MED23: variants seen among roughly 807,000 people sequenced by gnomAD.
MED23 encodes the protein mediator of RNA polymerase II transcription subunit 23.
MED23 carries 105 observed loss-of-function variants against 163.9 expected under a neutral mutation model. The ratio of observed to expected loss-of-function variants is 0.64; its 90% CI spans 0.55 to 0.75. The LOEUF (loss-of-function observed/expected upper bound fraction) is 0.75. Ranked by LOEUF, MED23 falls within the 30% of genes least tolerant of loss-of-function variation. MED23 has a pLI of 0.00. For missense variants in MED23, 1,054 were observed against 1,649.0 expected (o/e 0.64, Z 6.25); for synonymous variants, 561 against 565.6 (o/e 0.99, Z 0.12).
chr6:131,614,770 C>T (rs1325316645), intron 10 of MED23, among the ~76,000 whole-genome samples: 1 of 152,118 alleles, frequency 6.6e-6, no homozygotes, highest in African/African-American at 2.4e-5. Flanking sequence ...TTTACCACTC[C>T]AACTTTTAAA....
intron 18 of MED23, among the ~76,000 whole-genome samples, 168 bp downstream of exon 18, chr6:131,599,870 A>C (rs1047205850): frequency 2.6e-5 from 4 of 152,124 alleles, no homozygotes; most frequent in African/African-American, 2.4e-5. Context: ...CAGCCTCTCA[A>C]GCAGTTAAGA....
At chr6:131,613,418 C>T (rs1451682465) in intron 10 of MED23, among the ~76,000 whole-genome samples, 2 of 152,090 alleles carry the variant, frequency 1.3e-5, no homozygotes, top group Non-Finnish European at 2.9e-5. Context: ...ATATGAACAG[C>T]TCTTAAGGTT....
At chr6:131,575,659 G>A (rs1166594625) in intron 30 of MED23, among the ~76,000 whole-genome samples, 1 of 152,172 alleles carries the variant, frequency 6.6e-6, no homozygotes, top group Non-Finnish European at 1.5e-5. Context: ...TTAACACATT[G>A]TCTCATCTGA....
rs753015353 is a variant in MED23 at position 131,589,460 on chromosome 6, C to T, written c.3939+5G>A. The T allele has an allele frequency of 1.9e-6, 3 of 1,611,454 alleles. No individual in the cohort carries two copies. The South Asian group carries it at 3.3e-5, about 18-fold the overall frequency. On this transcript the variant is annotated splice_donor_5th_base_variant and intron_variant, in intron 28 of 28. Coordinates refer to ENST00000368068, the MANE Select transcript of MED23 (RefSeq NM_004830.4). Reference sequence around the variant, plus strand: ...ATTAAAAATAATTAAACAAATTCAACTTACTTGCTCTTTCACGCTGTCACC... The same window carrying T: ...ATTAAAAATAATTAAACAAATTCAATTTACTTGCTCTTTCACGCTGTCACC...
At chr6:131,617,212 C>T (rs939864743) in intron 9 of MED23, among the ~76,000 whole-genome samples, 4 of 151,112 alleles carry the variant, frequency 2.6e-5, no homozygotes, top group Admixed American at 6.6e-5. Flanking sequence ...TAGAGCACAT[C>T]GTTTTCATTT....
At chr6:131,606,204 T>G (rs1396416731) in intron 13 of MED23, among the ~76,000 whole-genome samples, 2 of 152,158 alleles carry the variant, frequency 1.3e-5, no homozygotes, top group Admixed American at 6.6e-5. Flanking sequence ...TTCATTATAT[T>G]AATAACTTTA....
intron 4 of MED23, among the ~76,000 whole-genome samples, chr6:131,623,934 G>T (rs1432849224): frequency 1.3e-5 from 2 of 152,266 alleles, no homozygotes; most frequent in Admixed American, 1.3e-4. Flanking sequence ...TCATAAAAGT[G>T]ATTACTAAGC....
rs1023076254 is a variant in MED23 at position 131,607,432 on chromosome 6, C to T, written c.1221+496G>A. Among the ~76,000 whole-genome samples the T allele has an allele frequency of 2.6e-5, 4 of 152,024 alleles. No homozygotes were observed. The East Asian group carries it at 7.8e-4, about 30-fold the overall frequency. ...TGTTGGCATGTGCATGTAATCTCAG[C>T]TACTCGGGAGGCTGAGGCAGGAGAA... On this transcript the variant is annotated intron_variant, in intron 12 of 28. Coordinates refer to ENST00000368068, the MANE Select transcript of MED23 (RefSeq NM_004830.4).
In MED23 at chr6:131,598,927, G is replaced by C. The variant is rs1224422617; in HGVS notation, c.2221-166C>G. 2.0e-5 allele frequency among the ~76,000 whole-genome samples: 3 copies of C among 152,130 alleles called. No individual in the cohort carries two copies. Among genetic ancestry groups the C allele is most frequent in the Non-Finnish European group, 4.4e-5 (3 of 68,026 alleles). ...ATTTCTGTGTCTGGAAAATACATAAGCTTGACTAGATTATCTCCAAGATTC... is the reference window on the plus strand; with the variant it reads ...ATTTCTGTGTCTGGAAAATACATAACCTTGACTAGATTATCTCCAAGATTC... On this transcript the variant is annotated intron_variant, in intron 18 of 28. Transcript: ENST00000368068. This position sits in a 1 kb window ranked among gnomAD's most constrained non-coding sequence, Gnocchi z 4.7.
chr6:131,583,654 G>A, downstream of MED23: 1 of 1,531,544 alleles, frequency 6.5e-7, no homozygotes, highest in South Asian at 1.2e-5. Flanking sequence ...ACCTTTTTCT[G>A]TTAGTGGATA....
At chr6:131,614,121 TA>T (rs1299998659) in intron 10 of MED23, among the ~76,000 whole-genome samples, 1 of 152,194 alleles carries the variant, frequency 6.6e-6, no homozygotes. Context: ...TTTAAGATGT[TA>T]AATTGACAGA....
chr6:131,615,416 C>T, intron 10 of MED23: 3 of 1,423,944 alleles, frequency 2.1e-6, no homozygotes, highest in Non-Finnish European at 2.9e-6. Flanking sequence ...AAAGACAAAA[C>T]AGTGACTATG....
chr6:131,621,843 G>T, intron 6 of MED23, 38 bp downstream of exon 6: 1 of 1,405,916 alleles, frequency 7.1e-7, no homozygotes, highest in South Asian at 1.3e-5. Context: ...AGACTTTTTT[G>T]AGGTTATGAT....
intron 7 of MED23, 66 bp from the exon 8 acceptor site, chr6:131,619,962 G>A: frequency 1.1e-6 from 1 of 918,418 alleles, no homozygotes; most frequent in Non-Finnish European, 1.8e-6. Flanking sequence ...GACTGCCCCT[G>A]AAATATATGA....
chr6:131,599,897 C>G, intron 18 of MED23, 141 bp downstream of exon 18: 1 of 1,026,742 alleles, frequency 9.7e-7, no homozygotes, highest in Non-Finnish European at 1.4e-6. Context: ...GCTTGTGCCA[C>G]CATGCCCAGC....
chr6:131,598,301 A>G lies in MED23; in HGVS notation c.2593T>C (p.Leu865=), dbSNP rs768027762. The G allele has an allele frequency of 8.1e-6, 13 of 1,613,778 alleles. No homozygotes were observed. The highest frequency in any genetic ancestry group is 1.3e-5 in the African/African-American group (1 of 75,036). ...TTTATTCTTACCAGGCAGAGAATTA[A>G]TCTGTCCAGTGTAACAATGTTATAC... ...WKYNIVTLDR[L]ILCLAMRSHE... is the part of the protein sequence containing the mutation. The change falls in exon 20 of 29, where the codon TTA becomes CTA. Residue 865 remains leucine (L), a synonymous_variant. Coordinates refer to ENST00000368068, the MANE Select transcript of MED23 (RefSeq NM_004830.4). This position sits in a 1 kb window ranked among gnomAD's most constrained non-coding sequence, Gnocchi z 4.7.
chr6:131,574,303 A>G (rs761882497), intron 30 of MED23: 34 of 1,613,808 alleles, frequency 2.1e-5, no homozygotes, highest in Non-Finnish European at 2.6e-5. Flanking sequence ...TTACTGCAAA[A>G]CAAATTGAGA....
chr6:131,603,713 C>T (rs1432972196), intron 15 of MED23, among the ~76,000 whole-genome samples: 6 of 152,254 alleles, frequency 3.9e-5, no homozygotes, highest in Middle Eastern at 3.4e-3. Flanking sequence ...CAGAAAAACA[C>T]TTCTATATCA....
intron 1 of MED23, 36 bp downstream of exon 1, chr6:131,627,975 A>C (rs758193599): frequency 6.2e-7 from 1 of 1,613,688 alleles, no homozygotes; most frequent in South Asian, 1.1e-5. Context: ...CCCCGTCCCC[A>C]AGCCGTAGTC....
Sources: allele counts gnomAD v4.1 joint callset (sites outside exome capture counted in the v4.1 genomes callset), GRCh38; gene constraint gnomAD v4.1.1; non-coding constraint Gnocchi (gnomAD v3.1); transcripts MANE v1.5; gene names NCBI Gene and HGNC (gene_info 2026-07-23, HGNC 2026-07-21).